The following UBE2Q2 variants were observed in gnomAD, a reference collection of about 807,000 sequenced individuals.
UBE2Q2 encodes the protein ubiquitin-conjugating enzyme E2 Q2.
Under a neutral mutation model 59.9 loss-of-function variants are expected in UBE2Q2, and 54 were observed. The observed-to-expected ratio is 0.90, with a 90% CI of 0.72 to 1.13. The LOEUF is 1.13. Among genes scored for constraint, UBE2Q2 ranks in the 50% most tolerant of loss-of-function variants. The pLI is 0.00. For synonymous variants in UBE2Q2, 165 were observed against 155.2 expected (o/e 1.06, Z -0.47); for missense variants, 433 against 441.9 (o/e 0.98, Z 0.18).
At chr15:75,898,533 C>T (rs1002439145) in intron 12 of UBE2Q2, among the ~76,000 whole-genome samples, 2 of 152,178 alleles carry the variant, frequency 1.3e-5, no homozygotes, top group Admixed American at 6.5e-5. Flanking sequence ...CCACTCTTAA[C>T]ATTTTTCAAG....
Position 75,843,609 on chromosome 15 carries a change from G to C in UBE2Q2, c.-58G>C. Reference sequence around the variant, plus strand: ...GGCCGTGACGGCGGCTCCGGGCCCGGCTCCCCTTCCGCGCCCGGCTCCCCT... The same window carrying C: ...GGCCGTGACGGCGGCTCCGGGCCCGCCTCCCCTTCCGCGCCCGGCTCCCCT... On this transcript the variant is annotated 5_prime_UTR_variant, in exon 1 of 13. Transcript: ENST00000267938. 1 of 1,477,184 alleles carries C rather than the reference G, an allele frequency of 6.8e-7. No homozygotes were observed. The highest frequency in any genetic ancestry group is 2.2e-5 in the Admixed American group (1 of 44,938). 91.5% of individuals were successfully genotyped at this position (1,477,184 alleles called of 1,614,324 possible).
chr15:75,851,880 T>C (rs888970142), intron 1 of UBE2Q2, among the ~76,000 whole-genome samples: 3 of 152,194 alleles, frequency 2.0e-5, no homozygotes, highest in Admixed American at 2.0e-4. Flanking sequence ...ATAGACATTC[T>C]TTTTATTTTT....
At chr15:75,880,432 G>A (rs1443252908) in intron 8 of UBE2Q2, among the ~76,000 whole-genome samples, 1 of 151,106 alleles carries the variant, frequency 6.6e-6, no homozygotes, top group Non-Finnish European at 1.5e-5. Context: ...TTTTAAAGAT[G>A]CTAAAAATAA....
rs76187379 is a variant in UBE2Q2 at position 75,887,493 on chromosome 15, T to C, written c.885-2942T>C. 7.5e-3 allele frequency among the ~76,000 whole-genome samples: 1,146 copies of C among 152,072 alleles called. 13 individuals are homozygous for C. Among genetic ancestry groups the C allele is most frequent in the African/African-American group, 0.026 (1,081 of 41,474 alleles). On this transcript the variant is annotated intron_variant, in intron 9 of 12. Coordinates refer to ENST00000267938, the MANE Select transcript of UBE2Q2 (RefSeq NM_173469.4). ...TATAACACAAGGAGGGTAGGACTCA[T>C]GTAGAAGAGTTTTAGGAAATAGTGC... is the stretch of plus-strand genomic sequence containing the variant.
chr15:75,868,969 G>T lies in UBE2Q2; in HGVS notation c.406G>T (p.Val136Leu), dbSNP rs1897645523. The T allele has an allele frequency of 6.2e-7, 1 of 1,612,974 alleles. No homozygotes were observed. Among genetic ancestry groups the T allele is most frequent in the African/African-American group, 1.3e-5 (1 of 74,998 alleles). Residue 136 changes from valine (V) to leucine (L), a missense_variant, in exon 4 of 13, where the codon GTG becomes TTG. By Grantham distance (32) the Val-to-Leu change is conservative. Transcript: ENST00000267938. ...GTTTCAGAATGGGACAACAGAAGAA[G>T]TGACTTCAGAAGAAGAGGAAGAAGA... is the stretch of plus-strand genomic sequence containing the variant. The part of the protein sequence containing the change: ...PTGQNGTTEE[V>L]TSEEEEEEEE...
chr15:75,884,830 G>T (rs1434660405), intron 9 of UBE2Q2, among the ~76,000 whole-genome samples: 2 of 151,930 alleles, frequency 1.3e-5, no homozygotes, highest in Non-Finnish European at 2.9e-5. Flanking sequence ...TGTATTTTTG[G>T]TAGAGATGGT....
Position 75,873,418 on chromosome 15 carries a change from C to T in UBE2Q2, c.448-10C>T. On this transcript the variant is annotated splice_polypyrimidine_tract_variant and intron_variant, in intron 4 of 12. Coordinates refer to ENST00000267938, the MANE Select transcript of UBE2Q2 (RefSeq NM_173469.4). ...GGTTGAATAAGCTAACATTTTTCGT[C>T]TCTTTGTAGGATATAGAAGACTTAG... is the stretch of plus-strand genomic sequence containing the variant. The T allele has an allele frequency of 1.9e-6, 3 of 1,567,168 alleles. No individual in the cohort carries two copies. Among genetic ancestry groups the T allele is most frequent in the South Asian group, 1.2e-5 (1 of 83,168 alleles).
chr15:75,877,479 G>GA lies in UBE2Q2; in HGVS notation c.674-471dup, dbSNP rs35542322. ...CATTTGTTTCAGCATTGTTTATATA[G>GA]AAAAAAAAAAACAGATACTGGGTGG... is the stretch of plus-strand genomic sequence containing the variant. On this transcript the variant is annotated intron_variant, in intron 6 of 12. Transcript: ENST00000267938. Among the ~76,000 whole-genome samples, 156 of 140,988 alleles carry GA rather than the reference G, an allele frequency of 1.1e-3. 1 individual carries two copies. Among genetic ancestry groups the GA allele is most frequent in the East Asian group, 0.01 (49 of 4,896 alleles). 92.5% of individuals were successfully genotyped at this position (140,988 alleles called of 152,430 possible).
rs758883067 is a variant in UBE2Q2 at position 75,843,750 on chromosome 15, T to C, written c.84T>C (p.Ser28=). Residue 28 remains serine, a synonymous_variant, in exon 1 of 13, where the codon AGT becomes AGC. Transcript: ENST00000267938. ...DKNHERFRIV[S]WKLDELHCQF... ...ACCACGAGCGATTCCGCATCGTCAGTTGGAAGCTGGACGAGCTGCACTGCC... is the reference window on the plus strand; with the variant it reads ...ACCACGAGCGATTCCGCATCGTCAGCTGGAAGCTGGACGAGCTGCACTGCC... 1.3e-5 allele frequency: 21 copies of C among 1,611,390 alleles called. No individual in the cohort carries two copies. The East Asian group carries it at 1.8e-4, about 14-fold the overall frequency.
At chr15:75,890,223 A>G (rs1460041406) in intron 9 of UBE2Q2, among the ~76,000 whole-genome samples, 1 of 152,200 alleles carries the variant, frequency 6.6e-6, no homozygotes, top group Non-Finnish European at 1.5e-5. Flanking sequence ...ATTAGAAAAA[A>G]TTGACTAGAA....
chr15:75,879,749 G>C (rs751325248), intron 8 of UBE2Q2, among the ~76,000 whole-genome samples: 81 of 151,890 alleles, frequency 5.3e-4, no homozygotes, highest in African/African-American at 6.8e-4. Context: ...GGAGCAGGGG[G>C]GTAAAACTAG....
At chr15:75,856,197 GTATA>G (rs1159451533) in intron 2 of UBE2Q2, among the ~76,000 whole-genome samples, 5 of 149,470 alleles carry the variant, frequency 3.3e-5, no homozygotes, top group Non-Finnish European at 5.9e-5. Flanking sequence ...AAAAAAAAAT[GTATA>G]TATATATGTG....
chr15:75,890,366 G>A (rs1899027028), intron 9 of UBE2Q2, 69 bp from the exon 10 acceptor site: 1 of 1,217,422 alleles, frequency 8.2e-7, no homozygotes, highest in Non-Finnish European at 1.2e-6. Flanking sequence ...TCTTGGTAAT[G>A]GCACTTAGAA....
intron 2 of UBE2Q2, among the ~76,000 whole-genome samples, chr15:75,856,031 A>G (rs1267675269): frequency 6.6e-6 from 1 of 152,028 alleles, no homozygotes; most frequent in Non-Finnish European, 1.5e-5. Flanking sequence ...TACAAAAAAT[A>G]CAAAAATTAG....
chr15:75,893,232 T>C (rs1899204651), intron 11 of UBE2Q2, among the ~76,000 whole-genome samples: 1 of 152,170 alleles, frequency 6.6e-6, no homozygotes, highest in Admixed American at 6.5e-5. Context: ...ATTTAAAATA[T>C]GAAGGTACAA....
intron 2 of UBE2Q2, among the ~76,000 whole-genome samples, 158 bp downstream of exon 2, chr15:75,854,645 T>A (rs1567017845): frequency 6.6e-6 from 1 of 152,322 alleles, no homozygotes; most frequent in East Asian, 1.9e-4. Context: ...CAAATTCTAT[T>A]TACTACCTGG....
At chr15:75,845,773 A>G (rs1465562792) in intron 1 of UBE2Q2, among the ~76,000 whole-genome samples, 2 of 152,214 alleles carry the variant, frequency 1.3e-5, no homozygotes, top group Non-Finnish European at 2.9e-5. Flanking sequence ...TATCCCACCT[A>G]AAGTGCCACT....
At chr15:75,862,616 G>A (rs1021297816) in intron 3 of UBE2Q2, among the ~76,000 whole-genome samples, 6 of 151,096 alleles carry the variant, frequency 4.0e-5, no homozygotes, top group Admixed American at 4.0e-4. Flanking sequence ...CAAGAGTTAA[G>A]ACCAGCCTGG....
At chr15:75,862,700 A>T (rs1020799653) in intron 3 of UBE2Q2, among the ~76,000 whole-genome samples, 4 of 151,214 alleles carry the variant, frequency 2.6e-5, no homozygotes, top group Admixed American at 2.0e-4. Context: ...CTGTAGTCCC[A>T]GCTACTCAAG....
Sources: gnomAD v4.1 joint callset for allele counts (sites outside exome capture counted in the v4.1 genomes callset) on GRCh38, gnomAD v4.1.1 for gene constraint, MANE v1.5 for transcripts, NCBI Gene and HGNC (gene_info 2026-07-23, HGNC 2026-07-21) for gene names.